The following PLK4 variants were observed in gnomAD, a reference collection of about 807,000 sequenced individuals.
PLK4 encodes polo like kinase 4, also known as serine/threonine-protein kinase PLK4.
In PLK4, 51 loss-of-function variants were observed where a neutral mutation model predicts 103.0. The ratio of observed to expected loss-of-function variants is 0.50; its 90% CI spans 0.40 to 0.63. The LOEUF is 0.63. Ranked by LOEUF, PLK4 falls within the 20% of genes least tolerant of loss-of-function variation. PLK4 has a pLI of 0.00. For synonymous variants in PLK4, 389 were observed against 376.8 expected (o/e 1.03, Z -0.38); for missense variants, 1,054 against 1,151.0 (o/e 0.92, Z 1.22).
intron 6 of PLK4, among the ~76,000 whole-genome samples, chr4:127,888,326 A>C (rs1735224612): frequency 6.6e-6 from 1 of 152,068 alleles, no homozygotes; most frequent in South Asian, 2.1e-4. Context: ...AAACATGAGG[A>C]AGATACTGTT....
In PLK4 at chr4:127,881,904, G is replaced by GT; in HGVS notation, c.107dup (p.Leu36PhefsTer10). ...TACAGAGCTGAGTCCATTCACACTG[G>GT]TTTGGAAGTTGCAATCAAAATGGTA... is the stretch of plus-strand genomic sequence containing the variant. On this transcript the variant is annotated frameshift_variant, in exon 2 of 16. Coordinates refer to ENST00000270861, the MANE Select transcript of PLK4 (RefSeq NM_014264.5). LOFTEE classifies it high-confidence loss of function. The GT allele has an allele frequency of 1.3e-6, 2 of 1,598,668 alleles. No individual in the cohort carries two copies. Among genetic ancestry groups the GT allele is most frequent in the Non-Finnish European group, 1.7e-6 (2 of 1,165,862 alleles).
At chr4:127,887,770 G>A (rs1363542480) in intron 6 of PLK4, among the ~76,000 whole-genome samples, 3 of 149,874 alleles carry the variant, frequency 2.0e-5, no homozygotes, top group Admixed American at 6.7e-5. Flanking sequence ...AGCTACTTGA[G>A]AAGCTGAGGC....
chr4:127,885,040 G>A (rs1167551950), intron 4 of PLK4, among the ~76,000 whole-genome samples: 5 of 151,774 alleles, frequency 3.3e-5, no homozygotes, highest in East Asian at 3.9e-4. Context: ...TGTATGAATC[G>A]TTTGTGCAAT....
At chr4:127,889,814 G>T (rs552568356) in intron 6 of PLK4, 52 bp from the exon 7 acceptor site, 7 of 1,307,952 alleles carry the variant, frequency 5.4e-6, no homozygotes, top group South Asian at 4.7e-5. Context: ...ATTTTGTGTC[G>T]ACTTGTGTTT....
intron 1 of PLK4, 29 bp downstream of exon 1, chr4:127,881,193 G>A (rs369541221): frequency 6.2e-7 from 1 of 1,613,838 alleles, no homozygotes; most frequent in South Asian, 1.1e-5. Flanking sequence ...CTGCAGCGGG[G>A]CGGGTGGGAG....
At chr4:127,890,339 G>T (rs1735307904) in intron 7 of PLK4, 103 bp downstream of exon 7, 3 of 807,412 alleles carry the variant, frequency 3.7e-6, no homozygotes, top group Admixed American at 3.1e-5. Context: ...TTACTTTGGG[G>T]TGTATACATG....
chr4:127,881,769 C>G (rs1734938811), intron 1 of PLK4, 62 bp from the exon 2 acceptor site: 4 of 984,394 alleles, frequency 4.1e-6, no homozygotes, highest in Middle Eastern at 2.1e-4. Context: ...TTTTTCCAGC[C>G]CCTTCCCATC....
chr4:127,886,065 CTT>C lies in PLK4; in HGVS notation c.700_701del (p.Leu234ValfsTer14). The C allele has an allele frequency of 6.2e-7, 1 of 1,613,970 alleles. No homozygotes were observed. The stretch of plus-strand genomic sequence containing the variant: ...GTATTGGCAGATTATGAAATGCCAT[CTT>C]TTTTGTCAATAGAGGCCAAGGACCT... On this transcript the variant is annotated frameshift_variant, in exon 5 of 16. Transcript: ENST00000270861. LOFTEE classifies it high-confidence loss of function.
chr4:127,893,990 G>A, intron 13 of PLK4, 109 bp downstream of exon 13: 1 of 658,430 alleles, frequency 1.5e-6, no homozygotes, highest in Non-Finnish European at 2.6e-6. Context: ...TACTTTTCCA[G>A]CCTCATCCTG....
At position 127,898,463 on chromosome 4, in the gene PLK4, A is replaced by G. The variant is rs41278099; in HGVS notation, c.2835A>G (p.Pro945=). The change falls in exon 16 of 16, where the codon CCA becomes CCG. Residue 945 remains proline (P), a synonymous_variant. Transcript: ENST00000270861. Reference sequence around the variant, plus strand: ...GGTATGGAGAAAATGAAAAATTACCAGACTACATCAAACAGAAATTACAGT... The same window carrying G: ...GGTATGGAGAAAATGAAAAATTACCGGACTACATCAAACAGAAATTACAGT... ...TTRYGENEKL[P]DYIKQKLQCL... 0.021 allele frequency: 32,861 copies of G among 1,562,112 alleles called. 418 individuals are homozygous for G. The highest frequency in any genetic ancestry group is 0.024 in the Non-Finnish European group (27,803 of 1,139,132).
chr4:127,891,521 G>A (rs564727584), intron 8 of PLK4, 58 bp from the exon 9 acceptor site: 1 of 631,596 alleles, frequency 1.6e-6, no homozygotes, highest in South Asian at 2.8e-5. Context: ...GTTTTAGCAA[G>A]ATATAGTACT....
In PLK4 at chr4:127,887,449, C is replaced by T. The variant is rs1413580330; in HGVS notation, c.1412C>T (p.Pro471Leu). ...CCTTTTCCATTTGCAGACCCGACAC[C>T]TCAGACTGAAACCGTACAACAGTGG... is the stretch of plus-strand genomic sequence containing the variant. ...KTPFPFADPT[P>L]QTETVQQWFG... Residue 471 changes from proline to leucine, a missense_variant, in exon 6 of 16, where the codon CCT becomes CTT. Physicochemically the swap from Pro to Leu is moderately conservative, Grantham distance 98. Coordinates refer to ENST00000270861, the MANE Select transcript of PLK4 (RefSeq NM_014264.5). The T allele has an allele frequency of 1.9e-6, 3 of 1,611,772 alleles. No individual in the cohort carries two copies. In the South Asian group the frequency reaches 3.3e-5, roughly 18 times the overall value.
At chr4:127,888,715 G>A (rs944851195) in intron 6 of PLK4, among the ~76,000 whole-genome samples, 3 of 152,100 alleles carry the variant, frequency 2.0e-5, no homozygotes, top group African/African-American at 4.8e-5. Flanking sequence ...ATTCACAGAA[G>A]GTGAATTGGG....
At chr4:127,891,852 ATT>A in intron 9 of PLK4, 171 bp downstream of exon 9, 1 of 350,880 alleles carries the variant, frequency 2.8e-6, no homozygotes, top group Admixed American at 4.5e-5. Flanking sequence ...TGCAATGTTT[ATT>A]ATTAATATTC....
chr4:127,896,453 A>G (rs1341176068), intron 14 of PLK4, among the ~76,000 whole-genome samples: 1 of 152,194 alleles, frequency 6.6e-6, no homozygotes, highest in Non-Finnish European at 1.5e-5. Context: ...GTTAAGAAAT[A>G]CTAAATATTT....
chr4:127,881,477 C>A, intron 1 of PLK4: 2 of 1,059,942 alleles, frequency 1.9e-6, no homozygotes, highest in Non-Finnish European at 1.3e-6. Context: ...CCCACTTCTC[C>A]AAGGGGATGG....
chr4:127,893,816 T>G lies in PLK4; in HGVS notation c.2497T>G (p.Ser833Ala), dbSNP rs1358525301. The G allele has an allele frequency of 2.5e-6, 4 of 1,613,082 alleles. No individual in the cohort carries two copies. The African/African-American group carries it at 5.3e-5, about 22-fold the overall frequency. Residue 833 changes from serine (S) to alanine (A), a missense_variant, in exon 13 of 16, where the codon TCT becomes GCT. Physicochemically the swap from Ser to Ala is moderately conservative, Grantham distance 99. Coordinates refer to ENST00000270861, the MANE Select transcript of PLK4 (RefSeq NM_014264.5). Reference protein sequence around the residue: ...DSNYPTRERASFNRMVMHSAA... With the variant: ...DSNYPTRERAAFNRMVMHSAA... Reference sequence around the variant, plus strand: ...AAATTACCCAACGAGAGAGAGAGCATCTTTCAACAGAATGGTCATGCATAG... The same window carrying G: ...AAATTACCCAACGAGAGAGAGAGCAGCTTTCAACAGAATGGTCATGCATAG...
At chr4:127,893,216 T>A (rs1268560589) in intron 10 of PLK4, 69 bp from the exon 11 acceptor site, 17 of 964,224 alleles carry the variant, frequency 1.8e-5, no homozygotes, top group Non-Finnish European at 2.3e-5. Context: ...ACTGGTATGA[T>A]AATAAATATA....
Position 127,885,818 on chromosome 4 carries a change from A to G in PLK4, c.448A>G (p.Ile150Val). 2 of 1,614,128 alleles carry G rather than the reference A, an allele frequency of 1.2e-6. No individual in the cohort carries two copies. The highest frequency in any genetic ancestry group is 1.7e-6 in the Non-Finnish European group (2 of 1,179,998). The change falls in exon 5 of 16, where the codon ATC becomes GTC. Residue 150 changes from isoleucine (I) to valine (V), a missense_variant. Ile to Val is a conservative substitution (Grantham distance 29). This residue lies in a region of PLK4 where 199 missense variants were observed against 270.1 expected (regional missense o/e 0.74). Coordinates refer to ENST00000270861, the MANE Select transcript of PLK4 (RefSeq NM_014264.5). ...SNLLLTRNMN[I>V]KIADFGLATQ... ...CCTCCTACTGACTCGTAATATGAACATCAAGATTGCTGATTTTGGGCTGGC... is the reference window on the plus strand; with the variant it reads ...CCTCCTACTGACTCGTAATATGAACGTCAAGATTGCTGATTTTGGGCTGGC...
Sources: gnomAD v4.1 joint callset for allele counts (sites outside exome capture counted in the v4.1 genomes callset) on GRCh38, gnomAD v4.1.1 for gene constraint, gnomAD v4.1.1 regional missense constraint, MANE v1.5 for transcripts, NCBI Gene and HGNC (gene_info 2026-07-23, HGNC 2026-07-21) for gene names.